MALRD1: variants seen among roughly 807,000 people sequenced by gnomAD.
MALRD1 encodes the protein MAM and LDL-receptor class A domain-containing protein 1.
In MALRD1, 247 loss-of-function variants were observed where a neutral mutation model predicts 242.1. That is an observed-to-expected ratio of 1.02 (90% CI 0.92 to 1.13). The LOEUF is 1.13. Among genes scored for constraint, MALRD1 ranks in the 50% most tolerant of loss-of-function variants. MALRD1 has a pLI of 0.00. For missense variants in MALRD1, 2,989 were observed against 2,533.1 expected, an observed-to-expected ratio of 1.18 and a Z score of -3.86; for synonymous variants, 995 against 866.6, an observed-to-expected ratio of 1.15 and a Z score of -2.60.
intron 32 of MALRD1, among the ~76,000 whole-genome samples, chr10:19,559,318 G>A (rs924013222): frequency 2.0e-5 from 3 of 151,416 alleles, no homozygotes; most frequent in Non-Finnish European, 4.4e-5. Flanking sequence ...CAGGTAACTT[G>A]GCTAGAGGTT....
intron 29 of MALRD1, among the ~76,000 whole-genome samples, chr10:19,466,566 T>C (rs1836226139): frequency 6.6e-6 from 1 of 152,182 alleles, no homozygotes; most frequent in South Asian, 2.1e-4. Flanking sequence ...GTTAGCAGGC[T>C]TGGTTTCTTC....
intron 10 of MALRD1, among the ~76,000 whole-genome samples, chr10:19,137,834 T>A (rs1184611364): frequency 6.6e-6 from 1 of 152,184 alleles, no homozygotes; most frequent in East Asian, 1.9e-4. Context: ...GCAACTGAGA[T>A]CCCTGTGTCT....
chr10:19,641,254 G>C (rs893480293), intron 36 of MALRD1, among the ~76,000 whole-genome samples: 1 of 152,016 alleles, frequency 6.6e-6, no homozygotes, highest in South Asian at 2.1e-4. Context: ...TAAAATAATC[G>C]AATAATGCAA....
rs1715205415 is a variant in MALRD1 at position 19,330,148 on chromosome 10, C to G, written c.3688-1221C>G. Among the ~76,000 whole-genome samples the G allele has an allele frequency of 2.6e-5, 4 of 151,988 alleles. No individual in the cohort carries two copies. The South Asian group carries it at 8.3e-4, about 31-fold the overall frequency. On this transcript the variant is annotated intron_variant, in intron 23 of 39. Transcript: ENST00000454679. ...AATCACTTTCAAGCTCTTCATCTAT[C>G]TTACTAATATTTTTTTTCTTTCCAA...
chr10:19,491,795 G>A, intron 30 of MALRD1, 150 bp downstream of exon 30: 1 of 801,924 alleles, frequency 1.2e-6, no homozygotes, highest in South Asian at 1.9e-5. Flanking sequence ...CCCCAAATTT[G>A]TATACAAGTA....
chr10:19,640,918 A>G (rs906471709), intron 36 of MALRD1, among the ~76,000 whole-genome samples: 2 of 152,216 alleles, frequency 1.3e-5, no homozygotes, highest in African/African-American at 4.8e-5. Flanking sequence ...TGTATATGAA[A>G]AAAATAGTTT....
intron 18 of MALRD1, among the ~76,000 whole-genome samples, chr10:19,233,087 A>G (rs557148086): frequency 1.3e-5 from 2 of 152,292 alleles, no homozygotes; most frequent in East Asian, 3.9e-4. Flanking sequence ...TTGTGGGTAC[A>G]TAGGAGGTGT....
intron 4 of MALRD1, among the ~76,000 whole-genome samples, chr10:19,103,557 A>AAAAAAAT (rs1554789176): frequency 4.1e-5 from 6 of 146,314 alleles, no homozygotes; most frequent in East Asian, 2.1e-4. Flanking sequence ...GTCTCAAAAA[A>AAAAAAAT]AAAAAAAATA....
rs1404150653 is a variant in MALRD1, at chr10:19,419,357, C to T, written c.4845+29748C>T. Among the ~76,000 whole-genome samples the T allele has an allele frequency of 8.6e-5, 13 of 152,028 alleles. 1 individual carries two copies. The highest frequency in any genetic ancestry group is 4.8e-5 in the African/African-American group (2 of 41,392). ...TCACCCAGGCTGGAGTGCAGTGGCA[C>T]GATCTCAGCTCACTGTAACCTCCAC... is the stretch of plus-strand genomic sequence containing the variant. On this transcript the variant is annotated intron_variant, in intron 28 of 39. Transcript: ENST00000454679.
At chr10:19,733,049 T>C (rs932998037) in intron 39 of MALRD1, among the ~76,000 whole-genome samples, 5 of 152,200 alleles carry the variant, frequency 3.3e-5, no homozygotes, top group African/African-American at 1.2e-4. Flanking sequence ...TGACTTTGTA[T>C]TGATTAAACT....
chr10:19,510,801 G>T (rs1833369184), intron 31 of MALRD1, among the ~76,000 whole-genome samples: 2 of 151,702 alleles, frequency 1.3e-5, no homozygotes, highest in Non-Finnish European at 2.9e-5. Context: ...AGAATCATAT[G>T]AATTAAAATC....
intron 28 of MALRD1, among the ~76,000 whole-genome samples, chr10:19,414,639 T>A (rs926365765): frequency 6.6e-6 from 1 of 152,046 alleles, no homozygotes; most frequent in South Asian, 2.1e-4. Context: ...AATGTATTAG[T>A]GAAAGTTGGG....
At chr10:19,625,819 C>T (rs144375305) in intron 36 of MALRD1, among the ~76,000 whole-genome samples, 114 of 152,246 alleles carry the variant, frequency 7.5e-4, no homozygotes, top group African/African-American at 2.7e-3. Context: ...GCATATTTAA[C>T]ATCAGCTAAA....
In MALRD1 at chr10:19,241,019, A is replaced by ATT. The variant is rs559375189; in HGVS notation, c.2992-16662_2992-16661dup. On this transcript the variant is annotated intron_variant, in intron 18 of 39. Transcript: ENST00000454679. Reference sequence around the variant, plus strand: ...TGTTCTTCAGGAATATTGGCCTGTTATTTTCATTTTGTGCGTGTCTTTGTC... The same window carrying ATT: ...TGTTCTTCAGGAATATTGGCCTGTTATTTTTTCATTTTGTGCGTGTCTTTGTC... 3.3e-5 allele frequency among the ~76,000 whole-genome samples: 5 copies of ATT among 151,864 alleles called. No homozygotes were observed. In the South Asian group the frequency reaches 8.3e-4, roughly 25 times the overall value.
intron 34 of MALRD1, among the ~76,000 whole-genome samples, chr10:19,606,785 G>A (rs2131589849): frequency 6.6e-6 from 1 of 152,190 alleles, no homozygotes; most frequent in South Asian, 2.1e-4. Context: ...CAGGATAACA[G>A]AGGAACCATA....
At chr10:19,251,526 C>T (rs1222995888) in intron 18 of MALRD1, among the ~76,000 whole-genome samples, 2 of 151,926 alleles carry the variant, frequency 1.3e-5, no homozygotes, top group African/African-American at 2.4e-5. Context: ...ACTTCTCTGG[C>T]TGTTGCTTTT....
At chr10:19,266,568 A>G (rs1839983359) in intron 19 of MALRD1, among the ~76,000 whole-genome samples, 1 of 151,808 alleles carries the variant, frequency 6.6e-6, no homozygotes, top group African/African-American at 2.4e-5. Context: ...ATTTAAAAAT[A>G]ATTCTAAATT....
chr10:19,576,934 G>A (rs1045616448), intron 33 of MALRD1, among the ~76,000 whole-genome samples: 1 of 143,274 alleles, frequency 7.0e-6, no homozygotes, highest in Non-Finnish European at 1.5e-5. Context: ...GTCATTTTTA[G>A]TTCCTCCTCA....
intron 7 of MALRD1, among the ~76,000 whole-genome samples, chr10:19,125,382 C>CT (rs1564408171): frequency 2.6e-3 from 163 of 62,344 alleles, no homozygotes; most frequent in Non-Finnish European, 3.5e-3. Context: ...TCTTTCTTTC[C>CT]TTCCTTCCTT....
Sources: gnomAD v4.1 joint callset for allele counts (sites outside exome capture counted in the v4.1 genomes callset) on GRCh38, gnomAD v4.1.1 for gene constraint, MANE v1.5 for transcripts, NCBI Gene and HGNC (gene_info 2026-07-23, HGNC 2026-07-21) for gene names.